The following CCNY variants were observed in gnomAD, a reference collection of about 807,000 sequenced individuals.
The protein encoded by CCNY is cyclin Y, also known as cyclin-Y.
Under a neutral mutation model 42.8 loss-of-function variants are expected in CCNY, and 19 were observed. The ratio of observed to expected loss-of-function variants is 0.44; its 90% CI spans 0.31 to 0.65. CCNY has a LOEUF of 0.65. Among genes scored for constraint, CCNY ranks in the 30% least tolerant of loss-of-function variants. The probability of loss-of-function intolerance (pLI) is 0.07; values close to 1 mark genes in which losing one functional copy is unlikely to be tolerated. For synonymous variants in CCNY, 165 were observed against 162.7 expected (o/e 1.01, Z -0.11); for missense variants, 370 against 437.3 (o/e 0.85, Z 1.37).
intron 1 of CCNY, among the ~76,000 whole-genome samples, chr10:35,358,467 A>G (rs986073918): frequency 6.6e-6 from 1 of 152,234 alleles, no homozygotes; most frequent in African/African-American, 2.4e-5. Context: ...ACTGTACTGC[A>G]TATAGGAACA....
chr10:35,314,460 A>T (rs1589031602), intron 3 of CCNY: 1 of 152,096 alleles, frequency 6.6e-6, no homozygotes, highest in East Asian at 1.9e-4. Flanking sequence ...TATCTCCCAC[A>T]GGGTCCCAGC....
chr10:35,516,466 T>G, intron 3 of CCNY, 57 bp from the exon 4 acceptor site: 1 of 1,207,254 alleles, frequency 8.3e-7, no homozygotes, highest in Non-Finnish European at 1.2e-6. Flanking sequence ...GTGATGTTTC[T>G]TGGAAGAATT....
At position 35,322,217 on chromosome 10, in the gene CCNY, C is replaced by T. The variant is rs376408998; in HGVS notation, c.-9+71591C>T. 1.2e-4 allele frequency among the ~76,000 whole-genome samples: 19 copies of T among 152,066 alleles called. No homozygotes were observed. In the East Asian group the frequency reaches 1.9e-3, roughly 15 times the overall value. On this transcript the variant is annotated intron_variant, in intron 3 of 11. Coordinates refer to the CCNY transcript ENST00000374706. ...AAAAATACAAAAATTAGCTGGGCAT[C>T]GCAGTGCTTGCCTCCTGTAGTCCCA...
At chr10:35,448,098 C>T (rs1478548299) in intron 1 of CCNY, among the ~76,000 whole-genome samples, 1 of 152,146 alleles carries the variant, frequency 6.6e-6, no homozygotes, top group African/African-American at 2.4e-5. Context: ...GAACCAGCGG[C>T]TCGCATTTTA....
chr10:35,472,910 A>G (rs1299106701), intron 1 of CCNY, among the ~76,000 whole-genome samples: 1 of 152,238 alleles, frequency 6.6e-6, no homozygotes, highest in Non-Finnish European at 1.5e-5. Flanking sequence ...TTCGATACGA[A>G]TAGAATTGAA....
intron 1 of CCNY, among the ~76,000 whole-genome samples, chr10:35,424,414 C>T (rs904404823): frequency 6.6e-5 from 10 of 152,190 alleles, no homozygotes; most frequent in South Asian, 4.1e-4. Context: ...TTAGTAGAGA[C>T]GGGGTTTCTC....
At chr10:35,335,625 G>C (rs942076624), upstream of CCNY, among the ~76,000 whole-genome samples, 3 of 152,070 alleles carry the variant, frequency 2.0e-5, no homozygotes, top group East Asian at 5.8e-4. Context: ...AGTCCAGACG[G>C]GAGGATTCCT....
chr10:35,286,212 T>C (rs1265142695), intron 3 of CCNY, among the ~76,000 whole-genome samples: 1 of 152,170 alleles, frequency 6.6e-6, no homozygotes, highest in African/African-American at 2.4e-5. Flanking sequence ...GTGACTATTT[T>C]CTACTATTCC....
chr10:35,280,949 A>G (rs1835293067), intron 3 of CCNY, among the ~76,000 whole-genome samples: 1 of 152,228 alleles, frequency 6.6e-6, no homozygotes, highest in African/African-American at 2.4e-5. Context: ...ATCTGGAGGT[A>G]TTTCTCCGAA....
At chr10:35,330,673 A>G (rs1464577271) in intron 3 of CCNY, among the ~76,000 whole-genome samples, 1 of 152,212 alleles carries the variant, frequency 6.6e-6, no homozygotes, top group Admixed American at 6.5e-5. Flanking sequence ...TTCTATCTTC[A>G]AGGTCACTTG....
At chr10:35,401,355 G>A (rs1837640513) in intron 1 of CCNY, among the ~76,000 whole-genome samples, 1 of 152,214 alleles carries the variant, frequency 6.6e-6, no homozygotes, top group African/African-American at 2.4e-5. Context: ...CAGCATGGCT[G>A]GAGGTGATAC....
chr10:35,508,959 G>T (rs1180213040), intron 3 of CCNY, among the ~76,000 whole-genome samples: 1 of 152,018 alleles, frequency 6.6e-6, no homozygotes, highest in African/African-American at 2.4e-5. Flanking sequence ...TGTCTATTTT[G>T]GATATTTTAT....
At chr10:35,417,899 T>C (rs1007832730) in intron 1 of CCNY, among the ~76,000 whole-genome samples, 3 of 152,220 alleles carry the variant, frequency 2.0e-5, no homozygotes, top group African/African-American at 7.2e-5. Flanking sequence ...CAATCTGTTC[T>C]CTTTTTTTCA....
At chr10:35,367,847 T>G (rs1211852080) in intron 1 of CCNY, among the ~76,000 whole-genome samples, 1 of 152,216 alleles carries the variant, frequency 6.6e-6, no homozygotes, top group African/African-American at 2.4e-5. Flanking sequence ...CAAAACTGAC[T>G]CTCATGGGAC....
At chr10:35,311,089 G>A (rs1835678295) in intron 3 of CCNY, among the ~76,000 whole-genome samples, 1 of 152,208 alleles carries the variant, frequency 6.6e-6, no homozygotes, top group African/African-American at 2.4e-5. Flanking sequence ...GAGGCAGGAG[G>A]ATTGCTTGAG....
At chr10:35,263,692 T>G (rs1040604676) in intron 3 of CCNY, among the ~76,000 whole-genome samples, 21 of 152,210 alleles carry the variant, frequency 1.4e-4, no homozygotes, top group African/African-American at 4.8e-4. Flanking sequence ...TATTCAATTT[T>G]TATTTTAAGT....
intron 1 of CCNY, among the ~76,000 whole-genome samples, chr10:35,355,136 A>T (rs2474522): frequency 0.069 from 10,559 of 152,184 alleles, 593 homozygotes; most frequent in African/African-American, 0.16. Context: ...GGGTACGGAC[A>T]TGAGTGCAGG....
At chr10:35,554,014 A>G (rs941808095) in intron 8 of CCNY, among the ~76,000 whole-genome samples, 27 of 152,272 alleles carry the variant, frequency 1.8e-4, no homozygotes, top group African/African-American at 4.8e-4. Context: ...ATTGTTGCTA[A>G]AACTTTTCTC....
chr10:35,513,643 T>C (rs1202796389), intron 3 of CCNY, among the ~76,000 whole-genome samples: 3 of 152,204 alleles, frequency 2.0e-5, no homozygotes, highest in Non-Finnish European at 2.9e-5. Context: ...ATCTCTGTTT[T>C]ACAGCTGAGG....
Sources: allele counts gnomAD v4.1 joint callset (sites outside exome capture counted in the v4.1 genomes callset), GRCh38; gene constraint gnomAD v4.1.1; transcripts MANE v1.5; gene names NCBI Gene and HGNC (gene_info 2026-07-23, HGNC 2026-07-21).